Variants in WDR36 observed in about 807,000 individuals in gnomAD.
WDR36 encodes the protein WD repeat domain 36, also known as WD repeat-containing protein 36.
Under a neutral mutation model 112.7 loss-of-function variants are expected in WDR36, and 63 were observed. That is an observed-to-expected ratio of 0.56 (90% CI 0.46 to 0.69). WDR36 has a LOEUF of 0.69. WDR36 is among the 30% of genes least tolerant of loss of function. The pLI is 0.00. For missense variants in WDR36, 1,226 were observed against 1,070.3 expected (o/e 1.15, Z -2.03); for synonymous variants, 410 against 362.2 (o/e 1.13, Z -1.50).
chr5:111,120,985 AT>A lies in WDR36; in HGVS notation c.2003-4del, dbSNP rs779595088. On this transcript the variant is annotated splice_polypyrimidine_tract_variant and intron_variant, in intron 18 of 22. Transcript: ENST00000513710. Reference sequence around the variant, plus strand: ...AAAAATCTTTTGTTTTACCTGAAAAATTTTTTTAAGATGTAGAAGTATCAGA... The same window carrying A: ...AAAAATCTTTTGTTTTACCTGAAAAATTTTTTAAGATGTAGAAGTATCAGA... 2 of 1,609,602 alleles carry A rather than the reference AT, an allele frequency of 1.2e-6. No individual in the cohort carries two copies. Among genetic ancestry groups the A allele is most frequent in the Non-Finnish European group, 1.7e-6 (2 of 1,177,194 alleles).
chr5:111,100,251 T>A (rs1316365160), intron 4 of WDR36, among the ~76,000 whole-genome samples: 3 of 151,978 alleles, frequency 2.0e-5, no homozygotes, highest in Non-Finnish European at 1.5e-5. Flanking sequence ...TGTCTGTTGA[T>A]CAAATTACAG....
Position 111,120,954 on chromosome 5 carries a change from T to A in WDR36, c.2003-42T>A, listed in dbSNP as rs759950604. ...TTTGGAATGAATTAAGTTGCTTTTATATGATAAAAATCTTTTGTTTTACCT... is the reference window on the plus strand; with the variant it reads ...TTTGGAATGAATTAAGTTGCTTTTAAATGATAAAAATCTTTTGTTTTACCT... On this transcript the variant is annotated intron_variant, in intron 18 of 22. Transcript: ENST00000513710. The A allele has an allele frequency of 1.9e-6, 3 of 1,543,548 alleles. No individual in the cohort carries two copies. In the East Asian group the frequency reaches 6.8e-5, roughly 35 times the overall value.
In WDR36 at chr5:111,124,138, C is replaced by G; in HGVS notation, c.2299C>G (p.Gln767Glu). 6.2e-7 allele frequency: 1 copy of G among 1,612,524 alleles called. No individual in the cohort carries two copies. The highest frequency in any genetic ancestry group is 1.3e-5 in the African/African-American group (1 of 74,860). Reference protein sequence around the residue: ...SKVVNLGVLAQKSDFCLKLEE... With the variant: ...SKVVNLGVLAEKSDFCLKLEE... ...AGTGGTAAATCTTGGAGTTTTGGCT[C>G]AAAAATCAGATTTCTGCTTGAAACT... is the stretch of plus-strand genomic sequence containing the variant. The change falls in exon 21 of 23, where the codon CAA (glutamine) becomes GAA (glutamate). Residue 767 changes from glutamine (Q) to glutamate (E), a missense_variant. By Grantham distance (29) the Gln-to-Glu change is conservative. Transcript: ENST00000513710.
chr5:111,127,136 A>G lies in WDR36; in HGVS notation c.*253A>G. ...AGGATTGCTTGAAGCCAGGAATTTG[A>G]GCCCAGCCTGGGCAACATAGCAAGC... On this transcript the variant is annotated 3_prime_UTR_variant, in exon 23 of 23. Coordinates refer to ENST00000513710, the MANE Select transcript of WDR36 (RefSeq NM_139281.3). 1 of 363,830 alleles carries G rather than the reference A, an allele frequency of 2.7e-6. No individual in the cohort carries two copies. The highest frequency in any genetic ancestry group is 4.4e-5 in the East Asian group (1 of 22,622). The allele number at this position is 363,830 out of a possible 1,614,324, so 22.5% of individuals were successfully genotyped here. A position where few individuals can be genotyped will look rare whatever the true frequency, so the allele number is the denominator to read the frequency against.
At chr5:111,094,827 T>G (rs1752942554) in intron 1 of WDR36, 93 bp from the exon 2 acceptor site, 2 of 1,020,270 alleles carry the variant, frequency 2.0e-6, no homozygotes, top group Non-Finnish European at 3.0e-6. Flanking sequence ...GCATAGCAAA[T>G]ATACGTATGA....
At chr5:111,122,322 T>TTTATA (rs765339165) in intron 19 of WDR36, among the ~76,000 whole-genome samples, 1 of 152,210 alleles carries the variant, frequency 6.6e-6, no homozygotes, top group Non-Finnish European at 1.5e-5. Context: ...TAAGATATAG[T>TTTATA]TTATACTGCA....
chr5:111,103,741 C>T, intron 6 of WDR36, 45 bp from the exon 7 acceptor site: 1 of 1,606,334 alleles, frequency 6.2e-7, no homozygotes, highest in Non-Finnish European at 8.5e-7. Flanking sequence ...ATTATTAAAG[C>T]TATTTTGCTT....
In WDR36 at chr5:111,111,032, A is replaced by C. The variant is rs1391552690; in HGVS notation, c.1607+79A>C. The C allele has an allele frequency of 6.3e-6, 10 of 1,579,806 alleles. No individual in the cohort carries two copies. The Admixed American group carries it at 1.7e-4, about 27-fold the overall frequency. ...AAAGTCACAATTTACCAAGTGGGAA[A>C]AATCAGACTCTTTAATAAAGAACAA... On this transcript the variant is annotated intron_variant, in intron 14 of 22. Coordinates refer to ENST00000513710, the MANE Select transcript of WDR36 (RefSeq NM_139281.3).
Position 111,125,631 on chromosome 5 carries a change from A to G in WDR36, c.2374A>G (p.Lys792Glu). 6.2e-7 allele frequency: 1 copy of G among 1,613,726 alleles called. No individual in the cohort carries two copies. Among genetic ancestry groups the G allele is most frequent in the East Asian group, 2.2e-5 (1 of 44,796 alleles). ...AGATGACACTGCTCTCAACCTTCTG[A>G]AAGAATCAGGCCCATCAGGAATTGA... The part of the protein sequence containing the change: ...NKYDTALNLL[K>E]ESGPSGIETE... Residue 792 changes from lysine (K) to glutamate (E), a missense_variant, in exon 22 of 23, where the codon AAA becomes GAA. Transcript: ENST00000513710.
At chr5:111,100,168 A>G (rs1012003650) in intron 4 of WDR36, among the ~76,000 whole-genome samples, 1 of 151,956 alleles carries the variant, frequency 6.6e-6, no homozygotes, top group Non-Finnish European at 1.5e-5. Context: ...TGGCCCATCA[A>G]ACTTTCCAGA....
chr5:111,112,786 A>T (rs992008976), intron 15 of WDR36, among the ~76,000 whole-genome samples: 1 of 151,920 alleles, frequency 6.6e-6, no homozygotes, highest in Middle Eastern at 3.4e-3. Context: ...TGATTTGAAA[A>T]TTAATGCAGT....
At chr5:111,110,352 C>G in intron 13 of WDR36, 49 bp downstream of exon 13, 1 of 1,427,214 alleles carries the variant, frequency 7.0e-7, no homozygotes, top group Non-Finnish European at 9.9e-7. Flanking sequence ...AGATACAAAA[C>G]TAGTAGTGAA....
In WDR36 at chr5:111,102,345, T is replaced by G. The variant is rs1753137235; in HGVS notation, c.543T>G (p.Asn181Lys). ...CTTTCAACTATTTTTCTTCTTGTAG[T>G]AAACTTCTATATACATTTCCAGGAT... ...GSLQLWNVKS[N>K]KLLYTFPGWK... The change falls in exon 6 of 23, where the codon AAT (asparagine) becomes AAG (lysine). Residue 181 changes from asparagine (N) to lysine (K), a missense_variant and splice_region_variant. Coordinates refer to ENST00000513710, the MANE Select transcript of WDR36 (RefSeq NM_139281.3). The G allele has an allele frequency of 6.2e-7, 1 of 1,605,518 alleles. No individual in the cohort carries two copies.
intron 6 of WDR36, among the ~76,000 whole-genome samples, chr5:111,103,344 T>A (rs762129996): frequency 2.0e-5 from 3 of 151,836 alleles, no homozygotes; most frequent in Non-Finnish European, 4.4e-5. Flanking sequence ...AGGTTTTTCC[T>A]ACTTTCTTGG....
rs1294375276 is a variant in WDR36 at position 111,123,746 on chromosome 5, A to C, written c.2149-59A>C. On this transcript the variant is annotated intron_variant, in intron 19 of 22. Transcript: ENST00000513710. The stretch of plus-strand genomic sequence containing the variant: ...TGTTTTAAAATTGATTTGAAATTAA[A>C]TATGAGAAACTGTTGGCAAGATAAT... 5.0e-6 allele frequency: 8 copies of C among 1,592,550 alleles called. No homozygotes were observed. In the Admixed American group the frequency reaches 1.2e-4, roughly 24 times the overall value.
At chr5:111,099,464 T>TTTTTTTTTTTTTTTTTTTTTTG (rs1753072320) in intron 4 of WDR36, among the ~76,000 whole-genome samples, 7 of 15,714 alleles carry the variant, frequency 4.5e-4, no homozygotes, top group African/African-American at 6.2e-4. Context: ...TTTTTTTTTG[T>TTTTTTTTTTTTTTTTTTTTTTG]TTTTTTTTTT....
rs1270545411 is a variant in WDR36, at chr5:111,128,169, G to A, written c.*1286G>A. The A allele has an allele frequency of 5.2e-6, 1 of 191,216 alleles. No individual in the cohort carries two copies. The highest frequency in any genetic ancestry group is 1.1e-5 in the Non-Finnish European group (1 of 91,356). The allele number at this position is 191,216 out of a possible 1,614,324, so 11.8% of individuals were successfully genotyped here. On this transcript the variant is annotated 3_prime_UTR_variant, in exon 23 of 23. Transcript: ENST00000513710. ...CTATTCTTAGTTTATACCCTCAAAA[G>A]TTGGGTCTTTCATGAAACACAGTGG... is the stretch of plus-strand genomic sequence containing the variant.
intron 4 of WDR36, among the ~76,000 whole-genome samples, chr5:111,099,821 T>C (rs577615668): frequency 4.6e-5 from 7 of 152,062 alleles, no homozygotes; most frequent in Non-Finnish European, 7.4e-5. Flanking sequence ...ACCCTGGGAT[T>C]GTACAGTAGT....
intron 16 of WDR36, among the ~76,000 whole-genome samples, chr5:111,116,658 C>G (rs897590279): frequency 6.6e-6 from 1 of 152,046 alleles, no homozygotes; most frequent in Non-Finnish European, 1.5e-5. Context: ...AGTTTTAGGT[C>G]TGGGATGAGC....
Sources: allele counts gnomAD v4.1 joint callset (sites outside exome capture counted in the v4.1 genomes callset), GRCh38; gene constraint gnomAD v4.1.1; transcripts MANE v1.5; gene names NCBI Gene and HGNC (gene_info 2026-07-23, HGNC 2026-07-21).